The following PPP2R3A variants were observed in gnomAD, a reference collection of about 807,000 sequenced individuals.
PPP2R3A encodes serine/threonine-protein phosphatase 2A regulatory subunit B'' subunit alpha.
Under a neutral mutation model 106.9 loss-of-function variants are expected in PPP2R3A, and 80 were observed. That is an observed-to-expected ratio of 0.75 (90% CI 0.62 to 0.90). The LOEUF is 0.90. PPP2R3A is among the 40% of genes least tolerant of loss of function. PPP2R3A has a pLI of 0.00. For synonymous variants in PPP2R3A, 483 were observed against 468.3 expected, an observed-to-expected ratio of 1.03 and a Z score of -0.41; for missense variants, 1,386 against 1,350.4, an observed-to-expected ratio of 1.03 and a Z score of -0.41.
intron 8 of PPP2R3A, among the ~76,000 whole-genome samples, chr3:136,083,004 C>T (rs1010222790): frequency 6.6e-6 from 1 of 152,076 alleles, no homozygotes; most frequent in African/African-American, 2.4e-5. Context: ...GAACCTGTTG[C>T]CTACTGATTT....
chr3:136,078,594 G>A (rs1399174504), intron 7 of PPP2R3A, 141 bp downstream of exon 7: 3 of 629,474 alleles, frequency 4.8e-6, no homozygotes, highest in African/African-American at 3.7e-5. Flanking sequence ...TACCTGTCGT[G>A]GGATGCTGGA....
intron 4 of PPP2R3A, among the ~76,000 whole-genome samples, chr3:136,048,859 G>A (rs1002459566): frequency 2.0e-5 from 3 of 152,190 alleles, no homozygotes; most frequent in Admixed American, 6.5e-5. Flanking sequence ...GTTGATAGGT[G>A]TCGGGGTAAA....
At chr3:136,053,075 A>G (rs1935734834) in intron 5 of PPP2R3A, among the ~76,000 whole-genome samples, 1 of 152,214 alleles carries the variant, frequency 6.6e-6, no homozygotes, top group Admixed American at 6.5e-5. Context: ...TGGGAGCTAA[A>G]TGGTGAGAAC....
chr3:136,089,801 C>T (rs1937048435), intron 9 of PPP2R3A, among the ~76,000 whole-genome samples: 1 of 151,860 alleles, frequency 6.6e-6, no homozygotes, highest in South Asian at 2.1e-4. Context: ...TGTAGTCCTC[C>T]CTGTAGAGAT....
chr3:136,115,035 G>A (rs564125243), intron 13 of PPP2R3A, among the ~76,000 whole-genome samples: 13 of 152,292 alleles, frequency 8.5e-5, no homozygotes, highest in Admixed American at 1.3e-4. Context: ...GGCATCTGGC[G>A]GGTGTCCATC....
chr3:136,060,236 A>C (rs145079379), intron 5 of PPP2R3A, among the ~76,000 whole-genome samples: 2 of 152,372 alleles, frequency 1.3e-5, no homozygotes, highest in Non-Finnish European at 2.9e-5. Context: ...AATTTGGATG[A>C]CATTATGTTA....
At chr3:136,107,598 T>G (rs573365477) in intron 13 of PPP2R3A, among the ~76,000 whole-genome samples, 1 of 152,210 alleles carries the variant, frequency 6.6e-6, no homozygotes, top group South Asian at 2.1e-4. Context: ...CAATATAGAT[T>G]GTACCATTTT....
At chr3:136,077,401 A>G (rs765083333) in intron 6 of PPP2R3A, among the ~76,000 whole-genome samples, 2 of 152,162 alleles carry the variant, frequency 1.3e-5, no homozygotes, top group Admixed American at 6.5e-5. Context: ...CTCGCACCAA[A>G]ATATCTTGAA....
chr3:136,131,764 A>C (rs1000769322), intron 13 of PPP2R3A, among the ~76,000 whole-genome samples: 1 of 152,196 alleles, frequency 6.6e-6, no homozygotes, highest in East Asian at 1.9e-4. Flanking sequence ...AACCAACCCA[A>C]ATGTCCATCA....
chr3:135,991,236 G>C (rs567602479), intron 1 of PPP2R3A, among the ~76,000 whole-genome samples: 10 of 152,160 alleles, frequency 6.6e-5, no homozygotes, highest in Non-Finnish European at 1.3e-4. Flanking sequence ...CTGGCCTGTA[G>C]TGGGACTCAA....
intron 2 of PPP2R3A, among the ~76,000 whole-genome samples, chr3:136,014,357 G>A (rs950168307): frequency 6.6e-6 from 1 of 152,050 alleles, no homozygotes; most frequent in African/African-American, 2.4e-5. Flanking sequence ...TGTGAAGAGG[G>A]ATGGTGGTAT....
At chr3:136,039,695 C>G (rs529231727) in intron 3 of PPP2R3A, among the ~76,000 whole-genome samples, 42 of 152,174 alleles carry the variant, frequency 2.8e-4, no homozygotes, top group Non-Finnish European at 5.0e-4. Context: ...CAGTACCTAA[C>G]AGGCCACGGA....
chr3:136,133,801 T>C (rs1025357042), intron 13 of PPP2R3A, among the ~76,000 whole-genome samples: 7 of 149,580 alleles, frequency 4.7e-5, no homozygotes, highest in Admixed American at 4.0e-4. Context: ...TTTAAATATA[T>C]GTATTTTTTA....
rs746640093 is a variant in PPP2R3A at position 136,103,395 on chromosome 3, CT to C, written c.3222+23del. On this transcript the variant is annotated intron_variant, in intron 12 of 13. Coordinates refer to ENST00000264977, the MANE Select transcript of PPP2R3A (RefSeq NM_002718.5). The stretch of plus-strand genomic sequence containing the variant: ...CCAGAAGGTAACAGTATAATTTTAA[CT>C]TTTATTTGAGGGCTGCAGTGTCAGG... 2.6e-6 allele frequency: 4 copies of C among 1,535,648 alleles called. No homozygotes were observed. The Admixed American group carries it at 6.9e-5, about 27-fold the overall frequency.
chr3:136,018,208 A>G (rs1934345769), intron 2 of PPP2R3A, among the ~76,000 whole-genome samples: 1 of 152,240 alleles, frequency 6.6e-6, no homozygotes, highest in Non-Finnish European at 1.5e-5. Flanking sequence ...TGGAGGTTGC[A>G]GTGAGCCAAG....
intron 13 of PPP2R3A, among the ~76,000 whole-genome samples, chr3:136,117,012 A>G (rs1193955028): frequency 6.6e-6 from 1 of 152,220 alleles, no homozygotes; most frequent in African/African-American, 2.4e-5. Flanking sequence ...AGCAAATGTA[A>G]AAGAACAGAA....
intron 1 of PPP2R3A, among the ~76,000 whole-genome samples, chr3:135,968,677 G>A (rs1937160128): frequency 6.6e-6 from 1 of 152,160 alleles, no homozygotes; most frequent in Non-Finnish European, 1.5e-5. Context: ...TTTTTGGTGG[G>A]TTCTGCTCCC....
chr3:136,101,455 C>T (rs1362919752), intron 10 of PPP2R3A, among the ~76,000 whole-genome samples: 4 of 152,128 alleles, frequency 2.6e-5, no homozygotes, highest in African/African-American at 9.7e-5. Flanking sequence ...GCGGGAGTCT[C>T]GTTCTTTCAC....
chr3:136,097,196 GAA>G (rs978564058), intron 10 of PPP2R3A, among the ~76,000 whole-genome samples: 2 of 133,060 alleles, frequency 1.5e-5, no homozygotes. Flanking sequence ...CCTTTGGTAA[GAA>G]AAAAAAAAAA....
Sources: gnomAD v4.1 joint callset for allele counts (sites outside exome capture counted in the v4.1 genomes callset) on GRCh38, gnomAD v4.1.1 for gene constraint, MANE v1.5 for transcripts, NCBI Gene and HGNC (gene_info 2026-07-23, HGNC 2026-07-21) for gene names.